The following AUTS2 variants were observed in gnomAD, a reference collection of about 807,000 sequenced individuals.
The protein encoded by AUTS2 is activator of transcription and developmental regulator AUTS2.
Under a neutral mutation model 112.4 loss-of-function variants are expected in AUTS2, and 17 were observed. The ratio of observed to expected loss-of-function variants is 0.15; its 90% CI spans 0.10 to 0.23. The LOEUF is 0.23. Ranked by LOEUF, AUTS2 falls within the 10% of genes least tolerant of loss-of-function variation. The pLI is 1.00. For synonymous variants in AUTS2, 751 were observed against 702.7 expected (o/e 1.07, Z -1.09); for missense variants, 1,510 against 1,701.6 (o/e 0.89, Z 1.98).
chr7:69,745,698 T>C (rs1301174963), intron 1 of AUTS2, among the ~76,000 whole-genome samples: 1 of 152,218 alleles, frequency 6.6e-6, no homozygotes, highest in East Asian at 1.9e-4. Flanking sequence ...AATTAGAAAT[T>C]ACATTTGGGG....
At chr7:70,605,546 C>CTTTTTTTTTTTTT in intron 5 of AUTS2, among the ~76,000 whole-genome samples, 36 of 70,658 alleles carry the variant, frequency 5.1e-4, no homozygotes, top group Admixed American at 7.3e-4. Flanking sequence ...CCTTCTTTCT[C>CTTTTTTTTTTTTT]TTTTTTTTTT....
chr7:70,156,284 C>T (rs1264494709), intron 4 of AUTS2, among the ~76,000 whole-genome samples: 1 of 152,128 alleles, frequency 6.6e-6, no homozygotes, highest in Non-Finnish European at 1.5e-5. Flanking sequence ...GCGGTGCCAC[C>T]TGTGCCTATC....
intron 1 of AUTS2, among the ~76,000 whole-genome samples, chr7:69,628,002 G>A (rs533073436): frequency 1.3e-5 from 2 of 152,202 alleles, no homozygotes; most frequent in South Asian, 4.2e-4. Context: ...GATGAGGAGC[G>A]GAAAGATGTT....
intron 5 of AUTS2, among the ~76,000 whole-genome samples, chr7:70,504,138 G>C (rs184753402): frequency 9.9e-5 from 15 of 151,854 alleles, no homozygotes; most frequent in African/African-American, 3.6e-4. Flanking sequence ...CTGCACAGGA[G>C]CTCGAGTACA....
At chr7:70,251,439 C>G (rs1350253943) in intron 4 of AUTS2, among the ~76,000 whole-genome samples, 1 of 152,114 alleles carries the variant, frequency 6.6e-6, no homozygotes, top group Admixed American at 6.6e-5. Flanking sequence ...TACTCTTCCC[C>G]CGGGGTGACC....
At chr7:70,034,840 A>T (rs1245931381) in intron 2 of AUTS2, among the ~76,000 whole-genome samples, 1 of 152,060 alleles carries the variant, frequency 6.6e-6, no homozygotes. Context: ...ATTTTTTAAA[A>T]ATTACTTTTT....
At chr7:70,581,878 AT>A (rs1466195687) in intron 5 of AUTS2, among the ~76,000 whole-genome samples, 2 of 152,158 alleles carry the variant, frequency 1.3e-5, no homozygotes, top group Admixed American at 6.5e-5. Flanking sequence ...AAAAATGTCT[AT>A]TTTACCATTC....
intron 1 of AUTS2, among the ~76,000 whole-genome samples, chr7:69,629,099 T>C (rs1469331984): frequency 6.6e-6 from 1 of 152,188 alleles, no homozygotes; most frequent in Non-Finnish European, 1.5e-5. Context: ...TAGCATGGAC[T>C]GAAAATTTTG....
intron 4 of AUTS2, among the ~76,000 whole-genome samples, chr7:70,182,783 T>TA (rs904897123): frequency 0.032 from 4,181 of 132,526 alleles, 65 homozygotes; most frequent in African/African-American, 0.051. Context: ...AGATTCTTCA[T>TA]AAAAAAAAAA....
chr7:69,819,108 A>G (rs1382364447), intron 1 of AUTS2, among the ~76,000 whole-genome samples: 4 of 152,212 alleles, frequency 2.6e-5, no homozygotes, highest in African/African-American at 9.6e-5. Context: ...CAGTAAGGGT[A>G]TCTTTTGTAC....
intron 1 of AUTS2, among the ~76,000 whole-genome samples, chr7:69,600,938 A>AT (rs1008276378): frequency 6.8e-6 from 1 of 147,050 alleles, no homozygotes; most frequent in Non-Finnish European, 1.5e-5. Context: ...TGCAGCGTTG[A>AT]TTTTCAAATG....
chr7:70,747,939 A>G (rs1443942582), intron 6 of AUTS2, among the ~76,000 whole-genome samples: 1 of 149,696 alleles, frequency 6.7e-6, no homozygotes, highest in Non-Finnish European at 1.5e-5. Flanking sequence ...GTCCTGCCTC[A>G]GCGTCCCCAG....
chr7:69,851,679 G>A (rs956894460), intron 1 of AUTS2, among the ~76,000 whole-genome samples: 2 of 152,098 alleles, frequency 1.3e-5, no homozygotes, highest in African/African-American at 2.4e-5. Context: ...TCAGCAATTT[G>A]TAGTTTTTAG....
chr7:69,882,406 GAAGTATGTT>G (rs1301270791), intron 1 of AUTS2, among the ~76,000 whole-genome samples: 2 of 152,062 alleles, frequency 1.3e-5, no homozygotes, highest in African/African-American at 4.8e-5. Flanking sequence ...ATGGAATAGA[GAAGTATGTT>G]AACCTGCAAC....
At chr7:70,245,354 A>G (rs1422447495) in intron 4 of AUTS2, among the ~76,000 whole-genome samples, 1 of 151,982 alleles carries the variant, frequency 6.6e-6, no homozygotes, top group Non-Finnish European at 1.5e-5. Flanking sequence ...AAGACCCATG[A>G]TGGAAACTGG....
chr7:69,681,492 C>T (rs983381473), intron 1 of AUTS2, among the ~76,000 whole-genome samples: 10 of 152,144 alleles, frequency 6.6e-5, no homozygotes, highest in African/African-American at 9.7e-5. Context: ...TCAGACTCCT[C>T]GGGACTGGCT....
At chr7:70,106,313 C>T (rs2129570463) in intron 2 of AUTS2, among the ~76,000 whole-genome samples, 1 of 152,196 alleles carries the variant, frequency 6.6e-6, no homozygotes, top group African/African-American at 2.4e-5. Flanking sequence ...CTCCATTGAC[C>T]CTTTATAACT....
intron 4 of AUTS2, among the ~76,000 whole-genome samples, chr7:70,218,584 C>T (rs995959433): frequency 2.6e-5 from 4 of 152,172 alleles, no homozygotes; most frequent in Non-Finnish European, 5.9e-5. Flanking sequence ...CCAGCCCCAC[C>T]TCTGTCAATT....
intron 4 of AUTS2, among the ~76,000 whole-genome samples, chr7:70,307,995 C>A (rs1789564194): frequency 6.6e-6 from 1 of 152,164 alleles, no homozygotes; most frequent in Non-Finnish European, 1.5e-5. Context: ...TCTCTGCCTG[C>A]ATGTTGCTAA....
Sources: allele counts gnomAD v4.1 joint callset (sites outside exome capture counted in the v4.1 genomes callset), GRCh38; gene constraint gnomAD v4.1.1; transcripts MANE v1.5; gene names NCBI Gene and HGNC (gene_info 2026-07-23, HGNC 2026-07-21).